Variants in NFX1 observed in about 807,000 individuals in gnomAD.
The protein encoded by NFX1 is transcriptional repressor NF-X1.
NFX1 carries 69 observed loss-of-function variants against 137.2 expected under a neutral mutation model. That is an observed-to-expected ratio of 0.50 (90% CI 0.41 to 0.61). NFX1 has a LOEUF of 0.61. Among genes scored for constraint, NFX1 ranks in the 20% least tolerant of loss-of-function variants. NFX1 has a pLI of 0.00. For synonymous variants in NFX1, 495 were observed against 474.1 expected (o/e 1.04, Z -0.57); for missense variants, 1,167 against 1,391.0 (o/e 0.84, Z 2.56).
At chr9:33,359,201 T>A (rs1823913065) in intron 19 of NFX1, among the ~76,000 whole-genome samples, 1 of 152,232 alleles carries the variant, frequency 6.6e-6, no homozygotes, top group Non-Finnish European at 1.5e-5. Context: ...CTTTTTTCTT[T>A]TATCTTTTTT....
Position 33,364,784 on chromosome 9 carries a change from G to C in NFX1, c.3039+10G>C. ...GGAGGCCGTGAATAAGGTTGAAGTC[G>C]AAACATCCCACTGGACATTTCTCTA... On this transcript the variant is annotated intron_variant, in intron 21 of 23. Transcript: ENST00000379540. 4.3e-6 allele frequency: 7 copies of C among 1,612,530 alleles called. No individual in the cohort carries two copies. The highest frequency in any genetic ancestry group is 5.9e-6 in the Non-Finnish European group (7 of 1,179,600).
intron 15 of NFX1, among the ~76,000 whole-genome samples, chr9:33,349,488 C>A (rs535712184): frequency 1.3e-5 from 2 of 152,198 alleles, no homozygotes; most frequent in East Asian, 1.9e-4. Context: ...AATATGGATT[C>A]CAGTGCGATG....
At chr9:33,318,334 T>C (rs1822251905) in intron 7 of NFX1, among the ~76,000 whole-genome samples, 1 of 152,224 alleles carries the variant, frequency 6.6e-6, no homozygotes, top group African/African-American at 2.4e-5. Context: ...TTAGCTTGTC[T>C]ATCTCCTGTA....
chr9:33,331,260 G>A (rs1822796289), intron 10 of NFX1, among the ~76,000 whole-genome samples: 1 of 152,172 alleles, frequency 6.6e-6, no homozygotes, highest in African/African-American at 2.4e-5. Context: ...TTTTGGTAAT[G>A]GAATGGGCTT....
At chr9:33,333,532 G>A (rs970068972) in intron 11 of NFX1, among the ~76,000 whole-genome samples, 2 of 152,368 alleles carry the variant, frequency 1.3e-5, no homozygotes, top group South Asian at 2.1e-4. Flanking sequence ...CATGAAGAGA[G>A]TGTTGTTGTT....
Position 33,311,197 on chromosome 9 carries a change from C to A in NFX1, c.1448+20C>A. On this transcript the variant is annotated intron_variant, in intron 6 of 23. Transcript: ENST00000379540. ...AACCAGGTAAAGTTAAAATTACACCCTAAAGAAGACCTCAGTTTTCACATG... is the reference window on the plus strand; with the variant it reads ...AACCAGGTAAAGTTAAAATTACACCATAAAGAAGACCTCAGTTTTCACATG... 6.2e-7 allele frequency: 1 copy of A among 1,605,496 alleles called. No individual in the cohort carries two copies. Among genetic ancestry groups the A allele is most frequent in the East Asian group, 2.2e-5 (1 of 44,824 alleles).
intron 19 of NFX1, 47 bp downstream of exon 19, chr9:33,354,939 G>A (rs4878534): frequency 0.063 from 100,052 of 1,595,142 alleles, 3,310 homozygotes; most frequent in East Asian, 0.095. Flanking sequence ...CTTGAGCTCT[G>A]TGAAATTAAT....
chr9:33,332,792 A>G (rs778955600), intron 11 of NFX1: 1 of 318,896 alleles, frequency 3.1e-6, no homozygotes, highest in Non-Finnish European at 5.9e-6. Flanking sequence ...AAATATGTTA[A>G]TGGTAGAATC....
At chr9:33,333,524 T>G (rs1381471214) in intron 11 of NFX1, among the ~76,000 whole-genome samples, 1 of 152,218 alleles carries the variant, frequency 6.6e-6, no homozygotes, top group African/African-American at 2.4e-5. Flanking sequence ...ACAAAATCCA[T>G]GAAGAGAGTG....
chr9:33,332,435 C>G (rs1313299037), intron 10 of NFX1, 37 bp from the exon 11 acceptor site: 1 of 1,568,736 alleles, frequency 6.4e-7, no homozygotes, highest in Non-Finnish European at 8.7e-7. Flanking sequence ...TTTAGTTATT[C>G]CTAAAGTAGT....
In NFX1 at chr9:33,295,036, C is replaced by T. The variant is rs971827922; in HGVS notation, c.642C>T (p.Phe214=). 6.2e-7 allele frequency: 1 copy of T among 1,614,152 alleles called. No individual in the cohort carries two copies. Among genetic ancestry groups the T allele is most frequent in the African/African-American group, 1.3e-5 (1 of 75,026 alleles). The change falls in exon 2 of 24, where the codon TTC becomes TTT. Residue 214 remains phenylalanine (F), a synonymous_variant. Coordinates refer to ENST00000379540, the MANE Select transcript of NFX1 (RefSeq NM_002504.6). ...AAAGTACCAAACCTGTGGGGGTTTT[C>T]CACCCTGACTCTTCAGAGGCATCCT... is the stretch of plus-strand genomic sequence containing the variant. ...GPESTKPVGV[F]HPDSSEASSR...
rs1437940452 is a variant in NFX1, at chr9:33,318,781, G to T, written c.1639G>T (p.Gly547Ter). ...AGATGTGTTATGTGGAACCGATGTA[G>T]GAAAGTCTGATGGATTTGGGGATTT... is the stretch of plus-strand genomic sequence containing the variant. ...SRDVLCGTDVGKSDGFGDFSC... is the reference protein window; with the variant it reads ...SRDVLCGTDV The change falls in exon 8 of 24, where the codon GGA (glycine) becomes TGA (stop). Residue 547 changes from glycine (G) to a stop codon, truncating the protein, a stop_gained. Transcript: ENST00000379540. LOFTEE classifies it high-confidence loss of function. 1 of 1,614,146 alleles carries T rather than the reference G, an allele frequency of 6.2e-7. No individual in the cohort carries two copies. The highest frequency in any genetic ancestry group is 8.5e-7 in the Non-Finnish European group (1 of 1,180,032).
rs1587888490 is a variant in NFX1, at chr9:33,370,669, C to T, written c.*691C>T. The T allele has an allele frequency of 6.6e-6, 1 of 152,388 alleles. No homozygotes were observed. Among genetic ancestry groups the T allele is most frequent in the South Asian group, 2.1e-4 (1 of 4,824 alleles). 9.4% of individuals were successfully genotyped at this position (152,388 alleles called of 1,614,324 possible). A position where few individuals can be genotyped will look rare whatever the true frequency, so the allele number is the denominator to read the frequency against. On this transcript the variant is annotated 3_prime_UTR_variant, in exon 24 of 24. Transcript: ENST00000379540. The stretch of plus-strand genomic sequence containing the variant: ...CCCTGGCACTTCTCATACCACATCA[C>T]TGAACCTGTTCAGTAACAATCAGTT...
intron 15 of NFX1, chr9:33,348,844 A>G (rs185241692): frequency 1.1e-6 from 1 of 913,646 alleles, no homozygotes; most frequent in East Asian, 1.2e-4. Flanking sequence ...TGTGGTTAAG[A>G]TGATACTGTT....
intron 5 of NFX1, among the ~76,000 whole-genome samples, chr9:33,309,274 G>A (rs760430195): frequency 6.6e-6 from 1 of 151,910 alleles, no homozygotes; most frequent in African/African-American, 2.4e-5. Context: ...GGAGAATGGC[G>A]TGAACCCGGG....
chr9:33,315,393 G>A (rs78514588), intron 7 of NFX1, among the ~76,000 whole-genome samples: 6 of 152,112 alleles, frequency 3.9e-5, no homozygotes, highest in Admixed American at 1.3e-4. Context: ...AACTCTAATC[G>A]TCCCAGTTTT....
rs774229685 is a variant in NFX1, at chr9:33,332,509, CTG to C, written c.2035+8_2035+9del. ...ACCAGTCTCAAAAGTGAAGGTATGA[CTG>C]GGGTGGGGCATGAGGGAATTTCTGG... is the stretch of plus-strand genomic sequence containing the variant. On this transcript the variant is annotated splice_region_variant and intron_variant, in intron 11 of 23. Coordinates refer to ENST00000379540, the MANE Select transcript of NFX1 (RefSeq NM_002504.6). The C allele has an allele frequency of 1.5e-5, 23 of 1,572,256 alleles. 1 individual carries two copies. In the South Asian group the frequency reaches 2.2e-4, roughly 15 times the overall value.
At chr9:33,291,682 T>A (rs1251032961) in intron 1 of NFX1, among the ~76,000 whole-genome samples, 1 of 152,168 alleles carries the variant, frequency 6.6e-6, no homozygotes, top group East Asian at 1.9e-4. Context: ...GGTGGACGGA[T>A]CACGAGGTCA....
chr9:33,348,276 C>G (rs1417628636), intron 15 of NFX1: 1 of 151,932 alleles, frequency 6.6e-6, no homozygotes. Flanking sequence ...TGCTTGAACT[C>G]GGGAGGCGGA....
Sources: gnomAD v4.1 joint callset for allele counts (sites outside exome capture counted in the v4.1 genomes callset) on GRCh38, gnomAD v4.1.1 for gene constraint, MANE v1.5 for transcripts, NCBI Gene and HGNC (gene_info 2026-07-23, HGNC 2026-07-21) for gene names.